Variants in CLIC4 observed in about 807,000 individuals in gnomAD.
CLIC4 encodes the protein chloride intracellular channel protein 4.
In CLIC4, 13 loss-of-function variants were observed where a neutral mutation model predicts 24.6. The observed-to-expected ratio is 0.53, with a 90% CI of 0.34 to 0.84. The LOEUF is 0.84. Ranked by LOEUF, CLIC4 falls within the 40% of genes least tolerant of loss-of-function variation. The pLI, the probability that CLIC4 is intolerant of heterozygous loss-of-function variation, is 0.01. For missense variants in CLIC4, 227 were observed against 301.7 expected (o/e 0.75, Z 1.83); for synonymous variants, 104 against 111.3 (o/e 0.93, Z 0.41).
intron 1 of CLIC4, among the ~76,000 whole-genome samples, chr1:24,796,892 C>T (rs990421035): frequency 4.6e-5 from 7 of 152,028 alleles, no homozygotes; most frequent in Non-Finnish European, 1.5e-5. Context: ...CGCCATCATG[C>T]ATTAAATTCT....
chr1:24,777,250 A>G (rs1639152023), intron 1 of CLIC4, among the ~76,000 whole-genome samples: 1 of 152,218 alleles, frequency 6.6e-6, no homozygotes, highest in Admixed American at 6.5e-5. Context: ...TTGAAATAGG[A>G]ATAAATGGTT....
rs1312347709 is a variant in CLIC4, at chr1:24,820,073, A to G, written c.308+5854A>G. Among the ~76,000 whole-genome samples the G allele has an allele frequency of 4.1e-4, 16 of 39,342 alleles. 1 individual carries two copies. Among genetic ancestry groups the G allele is most frequent in the South Asian group, 1.3e-3 (1 of 752 alleles). 25.8% of individuals were successfully genotyped at this position (39,342 alleles called of 152,430 possible). On this transcript the variant is annotated intron_variant, in intron 3 of 5. Transcript: ENST00000374379. ...AAAAAAAAAAAAAAAGTATGTATAT[A>G]TATATGTATATATATATATATATAG...
chr1:24,789,637 G>A (rs1298162357), intron 1 of CLIC4, among the ~76,000 whole-genome samples: 1 of 151,988 alleles, frequency 6.6e-6, no homozygotes. Context: ...TGATTCTTCT[G>A]TCCCCTTCGT....
intron 3 of CLIC4, among the ~76,000 whole-genome samples, chr1:24,822,744 G>A (rs957826999): frequency 1.3e-5 from 2 of 152,070 alleles, no homozygotes; most frequent in Admixed American, 6.6e-5. Context: ...TGGGAATGTC[G>A]CCTTCTTAGT....
rs578011380 is a variant in CLIC4 at position 24,753,911 on chromosome 1, T to C, written c.72+8286T>C. On this transcript the variant is annotated intron_variant, in intron 1 of 5. Coordinates refer to ENST00000374379, the MANE Select transcript of CLIC4 (RefSeq NM_013943.3). ...CTTTGTTTTTTCTAACAGAAAAAAA[T>C]GAAATAAATTTTCTATAGGAAATGA... is the stretch of plus-strand genomic sequence containing the variant. 3.9e-5 allele frequency among the ~76,000 whole-genome samples: 6 copies of C among 152,256 alleles called. No homozygotes were observed. The East Asian group carries it at 1.2e-3, about 29-fold the overall frequency.
At chr1:24,815,904 A>G (rs1449253980) in intron 3 of CLIC4, among the ~76,000 whole-genome samples, 1 of 152,194 alleles carries the variant, frequency 6.6e-6, no homozygotes, top group African/African-American at 2.4e-5. Flanking sequence ...AAGTCGATGT[A>G]ATATTCTAAA....
chr1:24,793,549 G>A (rs1430808824), intron 1 of CLIC4, among the ~76,000 whole-genome samples: 10 of 152,076 alleles, frequency 6.6e-5, no homozygotes, highest in Non-Finnish European at 1.3e-4. Flanking sequence ...CATTTTAAAT[G>A]TTTTCCTTAG....
chr1:24,780,244 A>T (rs1450378357), intron 1 of CLIC4, among the ~76,000 whole-genome samples: 6 of 152,236 alleles, frequency 3.9e-5, no homozygotes, highest in African/African-American at 1.4e-4. Flanking sequence ...AGGTTTAAGT[A>T]ACTTACCCAA....
chr1:24,748,986 C>T (rs917217492), intron 1 of CLIC4, among the ~76,000 whole-genome samples: 12 of 151,656 alleles, frequency 7.9e-5, no homozygotes, highest in Non-Finnish European at 1.5e-4. Context: ...TTTTGGGAGG[C>T]GGAGGGGGGT....
At chr1:24,758,463 T>A (rs1251452363) in intron 1 of CLIC4, among the ~76,000 whole-genome samples, 2 of 144,378 alleles carry the variant, frequency 1.4e-5, no homozygotes, top group Non-Finnish European at 3.1e-5. Context: ...ACCCAGATAA[T>A]TTTTTTTTTT....
intron 2 of CLIC4, among the ~76,000 whole-genome samples, chr1:24,799,547 G>A (rs1373198576): frequency 1.4e-4 from 21 of 151,148 alleles, no homozygotes; most frequent in African/African-American, 4.4e-4. Flanking sequence ...CCCCCCATCT[G>A]GGAAGTGAGG....
chr1:24,798,977 C>G (rs1205463115), intron 2 of CLIC4, among the ~76,000 whole-genome samples: 1 of 152,246 alleles, frequency 6.6e-6, no homozygotes, highest in Non-Finnish European at 1.5e-5. Context: ...AGTGCAGTGG[C>G]GTGATCTCGG....
intron 3 of CLIC4, among the ~76,000 whole-genome samples, chr1:24,819,906 ATTT>A (rs374540673): frequency 6.8e-6 from 1 of 146,954 alleles, no homozygotes. Context: ...TGCCCTGCTA[ATTT>A]TTTTTGTATT....
At chr1:24,799,684 G>A (rs1193048464) in intron 2 of CLIC4, among the ~76,000 whole-genome samples, 2 of 137,424 alleles carry the variant, frequency 1.5e-5, no homozygotes, top group African/African-American at 5.7e-5. Context: ...CAGCCGCCCC[G>A]TCCGGGAGGG....
intron 1 of CLIC4, among the ~76,000 whole-genome samples, chr1:24,761,551 A>C (rs1210604944): frequency 1.3e-5 from 2 of 152,348 alleles, no homozygotes; most frequent in African/African-American, 2.4e-5. Context: ...AGGGATTGAC[A>C]GGGGCCACAT....
At chr1:24,748,481 A>G (rs1276824241) in intron 1 of CLIC4, among the ~76,000 whole-genome samples, 1 of 142,106 alleles carries the variant, frequency 7.0e-6, no homozygotes, top group Non-Finnish European at 1.5e-5. Context: ...CTTTGCACTG[A>G]TACAGATCAG....
chr1:24,755,564 G>A (rs1438278950), intron 1 of CLIC4, among the ~76,000 whole-genome samples: 2 of 150,856 alleles, frequency 1.3e-5, no homozygotes, highest in African/African-American at 2.4e-5. Context: ...AGCTATGATT[G>A]TGCCACTGCA....
chr1:24,799,769 G>T (rs531843957), intron 2 of CLIC4, among the ~76,000 whole-genome samples: 3 of 99,694 alleles, frequency 3.0e-5, no homozygotes, highest in Non-Finnish European at 4.4e-5. Flanking sequence ...CCCCCTGCCC[G>T]GCCAGCTGCC....
At chr1:24,810,813 C>T (rs556006192) in intron 2 of CLIC4, among the ~76,000 whole-genome samples, 4 of 151,752 alleles carry the variant, frequency 2.6e-5, no homozygotes, top group African/African-American at 9.7e-5. Flanking sequence ...TGGCCGGGTA[C>T]GGTGGCTCAC....
Sources: gnomAD v4.1 joint callset for allele counts (sites outside exome capture counted in the v4.1 genomes callset) on GRCh38, gnomAD v4.1.1 for gene constraint, MANE v1.5 for transcripts, NCBI Gene and HGNC (gene_info 2026-07-23, HGNC 2026-07-21) for gene names.